Variants in CLVS1 observed in about 807,000 individuals in gnomAD.
The protein encoded by CLVS1 is clavesin-1.
A neutral mutation model predicts 33.1 loss-of-function variants in CLVS1; 10 were observed. That is an observed-to-expected ratio of 0.30 (90% CI 0.19 to 0.51). The LOEUF (loss-of-function observed/expected upper bound fraction) is 0.51, where lower values mean the gene tolerates loss of function less well. CLVS1 is among the 20% of genes least tolerant of loss of function. CLVS1 has a pLI of 0.97. For missense variants in CLVS1, 343 were observed against 433.4 expected, an observed-to-expected ratio of 0.79 and a Z score of 1.85; for synonymous variants, 163 against 166.1, an observed-to-expected ratio of 0.98 and a Z score of 0.14.
intron 2 of CLVS1, among the ~76,000 whole-genome samples, chr8:61,363,905 G>T (rs1479009517): frequency 6.6e-6 from 1 of 152,046 alleles, no homozygotes; most frequent in Admixed American, 6.6e-5. Context: ...GGGCGCCATG[G>T]GTGTGTCTGT....
At chr8:61,023,258 GA>G in the CLVS1 span, among the ~76,000 whole-genome samples, 1 of 152,188 alleles carries the variant, frequency 6.6e-6, no homozygotes, top group Non-Finnish European at 1.5e-5. Context: ...TTTATTAGCT[GA>G]AAGAGGGGAC....
chr8:61,367,287 C>A (rs1485454211), intron 2 of CLVS1, among the ~76,000 whole-genome samples: 2 of 152,188 alleles, frequency 1.3e-5, no homozygotes, highest in African/African-American at 4.8e-5. Flanking sequence ...AGATGAATCA[C>A]AATCACATTT....
intron 2 of CLVS1, among the ~76,000 whole-genome samples, chr8:61,277,220 T>A (rs1809576293): frequency 6.6e-6 from 1 of 152,120 alleles, no homozygotes; most frequent in Admixed American, 6.5e-5. Flanking sequence ...TGCATAGCAT[T>A]TTCCTAGGAT....
intron 2 of CLVS1, among the ~76,000 whole-genome samples, chr8:61,350,739 C>A (rs1812420191): frequency 6.6e-6 from 1 of 152,056 alleles, no homozygotes; most frequent in Admixed American, 6.6e-5. Flanking sequence ...GGAAATTAAG[C>A]TGAGTAAAAG....
chr8:61,312,758 T>G (rs1810873179), intron 2 of CLVS1, among the ~76,000 whole-genome samples: 4 of 152,178 alleles, frequency 2.6e-5, no homozygotes, highest in Admixed American at 2.6e-4. Context: ...ACAGGGTATT[T>G]AATCTCGACA....
chr8:60,996,104 T>C, the CLVS1 span, among the ~76,000 whole-genome samples: 1 of 147,374 alleles, frequency 6.8e-6, no homozygotes, highest in South Asian at 2.1e-4. Context: ...ATGGCACATG[T>C]ATACATATGT....
chr8:61,226,277 T>G (rs1262448730), intron 2 of CLVS1, among the ~76,000 whole-genome samples: 2 of 152,236 alleles, frequency 1.3e-5, no homozygotes, highest in Non-Finnish European at 2.9e-5. Flanking sequence ...CTGGCTCTTT[T>G]CAAGATCACT....
At chr8:61,459,251 A>G (rs1189827377) in intron 5 of CLVS1, among the ~76,000 whole-genome samples, 1 of 152,210 alleles carries the variant, frequency 6.6e-6, no homozygotes, top group African/African-American at 2.4e-5. Context: ...GGTGAAGACC[A>G]TTGCATACTG....
the CLVS1 span, among the ~76,000 whole-genome samples, chr8:61,032,901 G>A: frequency 6.7e-6 from 1 of 150,338 alleles, no homozygotes; most frequent in African/African-American, 2.5e-5. Flanking sequence ...AAACTCTAGA[G>A]TTTGAGACCA....
chr8:61,109,123 G>T (rs1174831410), intron 1 of CLVS1, among the ~76,000 whole-genome samples: 2 of 152,174 alleles, frequency 1.3e-5, no homozygotes, highest in African/African-American at 4.8e-5. Context: ...ATTTGGAGGG[G>T]CTTGTAGAGG....
At chr8:61,166,969 T>G (rs1372411548) in intron 2 of CLVS1, among the ~76,000 whole-genome samples, 1 of 150,742 alleles carries the variant, frequency 6.6e-6, no homozygotes, top group African/African-American at 2.4e-5. Flanking sequence ...CACCATTTTT[T>G]AAATTAATAA....
chr8:61,217,270 C>A (rs910425290), intron 2 of CLVS1, among the ~76,000 whole-genome samples: 21 of 152,024 alleles, frequency 1.4e-4, no homozygotes, highest in Non-Finnish European at 2.5e-4. Flanking sequence ...ATAGTAAACA[C>A]CATGAACCAC....
intron 5 of CLVS1, among the ~76,000 whole-genome samples, chr8:61,482,422 T>C (rs1818229994): frequency 6.6e-6 from 1 of 152,186 alleles, no homozygotes; most frequent in Admixed American, 6.5e-5. Context: ...TAAAGGAGGA[T>C]GTTCGAACCC....
intron 2 of CLVS1, among the ~76,000 whole-genome samples, chr8:61,373,903 G>T (rs1019120812): frequency 1.3e-5 from 2 of 152,164 alleles, no homozygotes; most frequent in Non-Finnish European, 2.9e-5. Flanking sequence ...CTGCTAGTTG[G>T]CTGGGGAGTC....
intron 2 of CLVS1, among the ~76,000 whole-genome samples, chr8:61,255,503 T>C (rs1809059192): frequency 6.6e-6 from 1 of 152,056 alleles, no homozygotes; most frequent in Admixed American, 6.6e-5. Context: ...TGTGGAGAGG[T>C]GAAGGAGCGA....
chr8:61,419,003 C>T (rs1394534884), intron 3 of CLVS1, among the ~76,000 whole-genome samples: 1 of 151,864 alleles, frequency 6.6e-6, no homozygotes, highest in Non-Finnish European at 1.5e-5. Flanking sequence ...ACAAAGTGGC[C>T]AATAAATATG....
At chr8:61,000,853 AG>A in the CLVS1 span, among the ~76,000 whole-genome samples, 1 of 152,100 alleles carries the variant, frequency 6.6e-6, no homozygotes, top group South Asian at 2.1e-4. Context: ...CAAGTGATTG[AG>A]GGTTGGTGTT....
At chr8:61,491,898 TC>T (rs747317995) in intron 5 of CLVS1, among the ~76,000 whole-genome samples, 9 of 152,210 alleles carry the variant, frequency 5.9e-5, no homozygotes, top group Non-Finnish European at 7.3e-5. Flanking sequence ...AAAGTTTCTT[TC>T]CAGTTAGAAT....
At chr8:61,020,687 G>A in the CLVS1 span, among the ~76,000 whole-genome samples, 1 of 152,354 alleles carries the variant, frequency 6.6e-6, no homozygotes, top group Admixed American at 6.5e-5. Flanking sequence ...ATGTTTCTCA[G>A]CATGGAAGGC....
Sources: gnomAD v4.1 joint callset for allele counts (sites outside exome capture counted in the v4.1 genomes callset) on GRCh38, gnomAD v4.1.1 for gene constraint, MANE v1.5 for transcripts, NCBI Gene and HGNC (gene_info 2026-07-23, HGNC 2026-07-21) for gene names.